Variants in AFG2A observed in about 807,000 individuals in gnomAD.
The protein encoded by AFG2A is AAA ATPase AFG2A.
the AFG2A span, among the ~76,000 whole-genome samples, chr4:123,019,495 C>T: frequency 2.6e-5 from 4 of 152,126 alleles, no homozygotes; most frequent in Non-Finnish European, 5.9e-5. Flanking sequence ...ATAATTCTTA[C>T]ATCCTTCTTT....
chr4:123,084,401 A>G, the AFG2A span, among the ~76,000 whole-genome samples: 5 of 151,724 alleles, frequency 3.3e-5, no homozygotes, highest in African/African-American at 1.2e-4. Context: ...TTGATTTTAG[A>G]TCTTCTCTAA....
the AFG2A span, among the ~76,000 whole-genome samples, chr4:123,162,080 C>T: frequency 0.015 from 2,300 of 152,188 alleles, 56 homozygotes; most frequent in African/African-American, 0.053. Context: ...ATTCAAAGGA[C>T]TGTCCTCTAG....
At chr4:123,071,980 T>C in the AFG2A span, among the ~76,000 whole-genome samples, 16 of 152,216 alleles carry the variant, frequency 1.1e-4, no homozygotes, top group African/African-American at 3.9e-4. Flanking sequence ...GGAGTACTGA[T>C]TAAAAGATGG....
the AFG2A span, among the ~76,000 whole-genome samples, chr4:123,225,463 A>G: frequency 2.2e-4 from 33 of 152,318 alleles, no homozygotes; most frequent in Middle Eastern, 6.8e-3. Flanking sequence ...TTTATTAACT[A>G]AGGAATCCTT....
At chr4:122,989,104 A>G in the AFG2A span, among the ~76,000 whole-genome samples, 1 of 152,112 alleles carries the variant, frequency 6.6e-6, no homozygotes, top group African/African-American at 2.4e-5. Flanking sequence ...ATGTATCATC[A>G]GTCGTTTAGT....
At chr4:123,144,244 C>T in the AFG2A span, among the ~76,000 whole-genome samples, 1 of 152,028 alleles carries the variant, frequency 6.6e-6, no homozygotes, top group Non-Finnish European at 1.5e-5. Context: ...AGCGTGTTCT[C>T]ATTGTTTAGC....
chr4:123,156,093 G>C, the AFG2A span, among the ~76,000 whole-genome samples: 1 of 152,126 alleles, frequency 6.6e-6, no homozygotes, highest in Non-Finnish European at 1.5e-5. Flanking sequence ...TATTATAAAT[G>C]TTAAACTCGT....
chr4:122,944,229 G>T, the AFG2A span, among the ~76,000 whole-genome samples: 1 of 152,124 alleles, frequency 6.6e-6, no homozygotes, highest in Non-Finnish European at 1.5e-5. Context: ...CCTGCAGAGT[G>T]TTTTCCAACT....
chr4:122,960,884 A>G, the AFG2A span, among the ~76,000 whole-genome samples: 2 of 152,168 alleles, frequency 1.3e-5, no homozygotes. Flanking sequence ...TCTGTTTCTA[A>G]TATTTTTTAC....
At chr4:122,952,787 A>G in the AFG2A span, among the ~76,000 whole-genome samples, 6 of 152,120 alleles carry the variant, frequency 3.9e-5, no homozygotes, top group African/African-American at 1.4e-4. Context: ...GGTGAATGCA[A>G]ATTGGTCTTG....
the AFG2A span, among the ~76,000 whole-genome samples, chr4:123,013,681 G>A: frequency 6.6e-5 from 10 of 152,238 alleles, no homozygotes; most frequent in East Asian, 1.9e-3. Context: ...GTTGGTAGGT[G>A]CAGCAAATCT....
At chr4:123,203,939 A>G in the AFG2A span, among the ~76,000 whole-genome samples, 1 of 152,234 alleles carries the variant, frequency 6.6e-6, no homozygotes, top group African/African-American at 2.4e-5. Flanking sequence ...TGAAGGCTTT[A>G]GAGAAGAATC....
At chr4:123,136,317 T>C in the AFG2A span, among the ~76,000 whole-genome samples, 1 of 151,572 alleles carries the variant, frequency 6.6e-6, no homozygotes, top group Non-Finnish European at 1.5e-5. Flanking sequence ...GCAGATCACC[T>C]GAGGTCGGGA....
At chr4:123,155,813 T>C in the AFG2A span, among the ~76,000 whole-genome samples, 2 of 152,190 alleles carry the variant, frequency 1.3e-5, no homozygotes, top group African/African-American at 4.8e-5. Context: ...TACCAGAGAA[T>C]AGTATTTTAT....
At chr4:123,295,065 A>G in the AFG2A span, among the ~76,000 whole-genome samples, 8 of 152,296 alleles carry the variant, frequency 5.3e-5, no homozygotes, top group South Asian at 1.2e-3. Flanking sequence ...TAGTACCATG[A>G]CCAGCCCCAT....
chr4:123,264,140 C>T, the AFG2A span, among the ~76,000 whole-genome samples: 1 of 152,222 alleles, frequency 6.6e-6, no homozygotes, highest in African/African-American at 2.4e-5. Flanking sequence ...TGTTCTTACT[C>T]ATAAGTGGGA....
At chr4:123,224,480 G>A in the AFG2A span, among the ~76,000 whole-genome samples, 2 of 151,914 alleles carry the variant, frequency 1.3e-5, no homozygotes, top group East Asian at 1.9e-4. Flanking sequence ...TTGTCCTTGC[G>A]ATAGTTTGCT....
At chr4:123,153,697 G>A in the AFG2A span, among the ~76,000 whole-genome samples, 1 of 151,986 alleles carries the variant, frequency 6.6e-6, no homozygotes. Flanking sequence ...AAATTAGTAA[G>A]CACAAAGAAA....
chr4:123,215,501 G>A, the AFG2A span, among the ~76,000 whole-genome samples: 6 of 152,172 alleles, frequency 3.9e-5, no homozygotes, highest in African/African-American at 9.6e-5. Flanking sequence ...ATAAGAAAAC[G>A]TGAAGCTCTA....
Sources: allele counts gnomAD v4.1 joint callset (sites outside exome capture counted in the v4.1 genomes callset), GRCh38; gene constraint gnomAD v4.1.1; transcripts MANE v1.5; gene names NCBI Gene and HGNC (gene_info 2026-07-23, HGNC 2026-07-21).